Variants in C3orf20 observed in about 807,000 individuals in gnomAD.
C3orf20 encodes the protein uncharacterized protein C3orf20.
In C3orf20, 76 loss-of-function variants were observed where a neutral mutation model predicts 88.3. The observed-to-expected ratio is 0.86, with a 90% confidence interval of 0.72 to 1.04. The LOEUF (loss-of-function observed/expected upper bound fraction) is 1.04, where lower values mean the gene tolerates loss of function less well. C3orf20 is among the 50% of genes least tolerant of loss of function. The probability of loss-of-function intolerance (pLI) is 0.00; values close to 1 mark genes in which losing one functional copy is unlikely to be tolerated. For missense variants in C3orf20, 1,056 were observed against 1,123.3 expected, an observed-to-expected ratio of 0.94 and a Z score of 0.86; for synonymous variants, 436 against 437.4, an observed-to-expected ratio of 1.00 and a Z score of 0.04.
At chr3:14,685,746 C>T (rs137941694) in intron 4 of C3orf20, among the ~76,000 whole-genome samples, 2 of 151,924 alleles carry the variant, frequency 1.3e-5, no homozygotes, top group Non-Finnish European at 2.9e-5. Context: ...TTTTTAGATT[C>T]CTCATGTATG....
Position 14,757,441 on chromosome 3 carries a change from C to T in C3orf20, c.2011C>T (p.Arg671Trp), listed in dbSNP as rs199803083. Reference protein sequence around the residue: ...ALPSDCPLVLRKLMLKEDTRA... With the variant: ...ALPSDCPLVLWKLMLKEDTRA... ...GCCCTCAGACTGCCCGCTGGTGCTG[C>T]GGAAGCTCATGCTCAAGGAAGACAC... Residue 671 changes from arginine (R) to tryptophan (W), a missense_variant, in exon 13 of 17, where the codon CGG (arginine) becomes TGG (tryptophan). Coordinates refer to ENST00000253697, the MANE Select transcript of C3orf20 (RefSeq NM_032137.5). 6.5e-5 allele frequency: 105 copies of T among 1,612,396 alleles called. No individual in the cohort carries two copies. The East Asian group carries it at 9.4e-4, about 14-fold the overall frequency.
At chr3:14,761,256 G>A (rs1431683421) in intron 14 of C3orf20, among the ~76,000 whole-genome samples, 1 of 147,732 alleles carries the variant, frequency 6.8e-6, no homozygotes, top group Non-Finnish European at 1.5e-5. Context: ...CAACCCCACC[G>A]TCCCAGCCTG....
chr3:14,704,138 A>G (rs1403941151), intron 6 of C3orf20, among the ~76,000 whole-genome samples, 199 bp from the exon 7 acceptor site: 12 of 152,154 alleles, frequency 7.9e-5, no homozygotes, highest in Admixed American at 2.0e-4. Context: ...GGCAAGGGCT[A>G]TTCTTAGACG....
chr3:14,714,275 G>C, intron 8 of C3orf20, 116 bp downstream of exon 8: 14 of 1,165,292 alleles, frequency 1.2e-5, no homozygotes, highest in Non-Finnish European at 1.7e-5. Flanking sequence ...GGTGTCCAGA[G>C]ATCTAGTAAG....
At chr3:14,771,986 C>G in intron 15 of C3orf20, 81 bp from the exon 16 acceptor site, 1 of 1,561,436 alleles carries the variant, frequency 6.4e-7, no homozygotes, top group Admixed American at 1.7e-5. Context: ...CTTGTCTGTC[C>G]AGGCTCCCAG....
intron 5 of C3orf20, among the ~76,000 whole-genome samples, chr3:14,697,714 C>CCCCT (rs2033071593): frequency 1.5e-5 from 2 of 132,992 alleles, no homozygotes; most frequent in Non-Finnish European, 1.6e-5. Context: ...CCCCAACCCC[C>CCCCT]CTGCTGCCAA....
At chr3:14,723,844 T>TTTATTTTA (rs1229765066) in intron 10 of C3orf20, among the ~76,000 whole-genome samples, 7 of 138,042 alleles carry the variant, frequency 5.1e-5, no homozygotes, top group African/African-American at 2.0e-4. Context: ...TTTATTTTAT[T>TTTATTTTA]GAGACCAAGC....
intron 12 of C3orf20, among the ~76,000 whole-genome samples, chr3:14,732,583 C>T (rs1044908644): frequency 6.6e-6 from 1 of 152,160 alleles, no homozygotes; most frequent in African/African-American, 2.4e-5. Flanking sequence ...TGAGTTTGCC[C>T]CCCAAGGGAT....
intron 4 of C3orf20, among the ~76,000 whole-genome samples, chr3:14,685,701 A>C (rs1575089778): frequency 6.6e-6 from 1 of 151,744 alleles, no homozygotes; most frequent in Non-Finnish European, 1.5e-5. Flanking sequence ...GTCAACCACC[A>C]TTCACTCTCT....
intron 9 of C3orf20, among the ~76,000 whole-genome samples, chr3:14,720,751 C>T (rs778997361): frequency 6.6e-6 from 1 of 152,232 alleles, no homozygotes; most frequent in Non-Finnish European, 1.5e-5. Flanking sequence ...GTTCAACAGC[C>T]TTAAATGTGA....
intron 1 of C3orf20, among the ~76,000 whole-genome samples, 155 bp from the exon 2 acceptor site, chr3:14,682,015 G>A (rs1270703919): frequency 6.6e-6 from 1 of 152,202 alleles, no homozygotes; most frequent in Non-Finnish European, 1.5e-5. Flanking sequence ...ATTGTAATAT[G>A]TCTTACAGTC....
intron 5 of C3orf20, among the ~76,000 whole-genome samples, chr3:14,702,440 CTTTTT>C (rs34341509): frequency 8.6e-6 from 1 of 116,578 alleles, no homozygotes; most frequent in Non-Finnish European, 1.8e-5. Context: ...CCTCACATAT[CTTTTT>C]TTTTTTTTTT....
chr3:14,722,770 G>C (rs902550902), intron 10 of C3orf20, among the ~76,000 whole-genome samples: 6 of 152,182 alleles, frequency 3.9e-5, no homozygotes, highest in Admixed American at 1.3e-4. Flanking sequence ...GAATACAGTG[G>C]AGACTGGGAG....
At chr3:14,761,359 C>G (rs1241174139) in intron 14 of C3orf20, 114 bp from the exon 15 acceptor site, 2 of 1,275,600 alleles carry the variant, frequency 1.6e-6, no homozygotes, top group Non-Finnish European at 2.2e-6. Flanking sequence ...ACGGCGTAAG[C>G]TCTGAGAGGC....
rs912224960 is a variant in C3orf20, at chr3:14,721,974, G to T, written c.1566+190G>T. 7 of 633,900 alleles carry T rather than the reference G, an allele frequency of 1.1e-5. No individual in the cohort carries two copies. The African/African-American group carries it at 1.1e-4, about 10-fold the overall frequency. The allele number at this position is 633,900 out of a possible 1,614,324, so 39.3% of individuals were successfully genotyped here. On this transcript the variant is annotated intron_variant, in intron 10 of 16. Transcript: ENST00000253697. ...CTGTGAAACTTCTTATATCAATTAA[G>T]GGTCTTCCAGTTGTAAGTGACAGAA... is the stretch of plus-strand genomic sequence containing the variant.
At chr3:14,727,086 G>T (rs1276801084) in intron 11 of C3orf20, 62 bp downstream of exon 11, 4 of 1,585,950 alleles carry the variant, frequency 2.5e-6, no homozygotes. Flanking sequence ...TGAGATTCTG[G>T]CAGGTCATCT....
intron 15 of C3orf20, among the ~76,000 whole-genome samples, chr3:14,766,717 G>A (rs974395042): frequency 3.3e-5 from 5 of 152,224 alleles, no homozygotes; most frequent in Non-Finnish European, 7.3e-5. Flanking sequence ...GTGACGGGGC[G>A]TGAAGGGCCC....
chr3:14,700,904 C>T (rs2033235731), intron 5 of C3orf20, among the ~76,000 whole-genome samples: 1 of 152,264 alleles, frequency 6.6e-6, no homozygotes, highest in Non-Finnish European at 1.5e-5. Flanking sequence ...GCTGACAGTT[C>T]TGGGGCCAGG....
intron 1 of C3orf20, among the ~76,000 whole-genome samples, chr3:14,681,737 G>T (rs916118472): frequency 6.6e-6 from 1 of 152,164 alleles, no homozygotes; most frequent in African/African-American, 2.4e-5. Flanking sequence ...GGTTCATTTT[G>T]TTCAGAAAAA....
Sources: gnomAD v4.1 joint callset for allele counts (sites outside exome capture counted in the v4.1 genomes callset) on GRCh38, gnomAD v4.1.1 for gene constraint, MANE v1.5 for transcripts, NCBI Gene and HGNC (gene_info 2026-07-23, HGNC 2026-07-21) for gene names.